PCDHGA8: variants seen among roughly 807,000 people sequenced by gnomAD.
PCDHGA8 encodes protocadherin gamma-A8.
Under a neutral mutation model 59.2 loss-of-function variants are expected in PCDHGA8, and 45 were observed. That is an observed-to-expected ratio of 0.76 (90% CI 0.60 to 0.98). The LOEUF (loss-of-function observed/expected upper bound fraction) is 0.98. Among genes scored for constraint, PCDHGA8 ranks in the 50% least tolerant of loss-of-function variants. The pLI, the probability that PCDHGA8 is intolerant of heterozygous loss-of-function variation, is 0.00. For missense variants in PCDHGA8, 1,257 were observed against 1,196.2 expected (o/e 1.05, Z -0.75); for synonymous variants, 531 against 519.0 (o/e 1.02, Z -0.32).
chr5:141,425,812 G>GA (rs574320012), intron 1 of PCDHGA8, among the ~76,000 whole-genome samples: 9 of 152,054 alleles, frequency 5.9e-5, no homozygotes, highest in South Asian at 4.1e-4. Flanking sequence ...CTTCTGCTTA[G>GA]AAAAAAACAA....
At chr5:141,500,469 AAAG>A (rs1479386829) in intron 2 of PCDHGA8, among the ~76,000 whole-genome samples, 1 of 152,052 alleles carries the variant, frequency 6.6e-6, no homozygotes, top group Non-Finnish European at 1.5e-5. Context: ...TCGGCCTCCC[AAAG>A]TGCTGGGATT....
chr5:141,423,219 T>G (rs775170753), intron 1 of PCDHGA8: 4 of 1,613,752 alleles, frequency 2.5e-6, no homozygotes, highest in Non-Finnish European at 3.4e-6. Context: ...TCACCGTGGC[T>G]GTGGCCGACA....
At position 141,455,318 on chromosome 5, in the gene PCDHGA8, G is replaced by A. The variant is rs534507768; in HGVS notation, c.2425-39489G>A. On this transcript the variant is annotated intron_variant, in intron 1 of 3. Transcript: ENST00000398604. ...TTTCATCTTGCATTAGCAATTTTGT[G>A]TGTGTGTTTGTGGTTTTAAGGAGCG... is the stretch of plus-strand genomic sequence containing the variant. Among the ~76,000 whole-genome samples the A allele has an allele frequency of 2.4e-4, 37 of 152,186 alleles. No individual in the cohort carries two copies. The South Asian group carries it at 5.6e-3, about 23-fold the overall frequency.
At chr5:141,427,280 A>G (rs1351534612) in intron 1 of PCDHGA8, 3 of 456,834 alleles carry the variant, frequency 6.6e-6, no homozygotes, top group Non-Finnish European at 8.8e-6. Context: ...GTAAAATTAT[A>G]CTAGAAATCC....
rs765819865 is a variant in PCDHGA8, at chr5:141,394,837, TG to T, written c.2027del (p.Gly676AlafsTer3). ...ADSIPEVLTE[L>X]GSLKPSVDPN... is the part of the protein sequence containing the mutation. ...AGCATCCCCGAAGTCCTGACCGAGT[TG>T]GGCAGTCTGAAGCCTTCGGTCGACC... On this transcript the variant is annotated frameshift_variant, in exon 1 of 4. Transcript: ENST00000398604. LOFTEE classifies it high-confidence loss of function. The T allele has an allele frequency of 1.9e-6, 3 of 1,613,824 alleles. No homozygotes were observed. The South Asian group carries it at 3.3e-5, about 18-fold the overall frequency.
intron 1 of PCDHGA8, chr5:141,414,147 A>G: frequency 6.3e-7 from 1 of 1,599,090 alleles, no homozygotes; most frequent in Non-Finnish European, 8.5e-7. Flanking sequence ...TAGAAATACA[A>G]GCAGAAGATG....
intron 1 of PCDHGA8, among the ~76,000 whole-genome samples, chr5:141,479,817 A>T (rs773702225): frequency 6.6e-6 from 1 of 152,230 alleles, no homozygotes; most frequent in Non-Finnish European, 1.5e-5. Flanking sequence ...CAAGGATACT[A>T]TCCAAGGCAT....
chr5:141,403,333 C>A (rs376895778), intron 1 of PCDHGA8: 1 of 1,613,984 alleles, frequency 6.2e-7, no homozygotes, highest in South Asian at 1.1e-5. Flanking sequence ...CTGATATTAA[C>A]GACAGCGCCC....
chr5:141,392,862 T>C lies in PCDHGA8; in HGVS notation c.49T>C (p.Cys17Arg), dbSNP rs1334405895. The C allele has an allele frequency of 1.2e-6, 2 of 1,612,696 alleles. No homozygotes were observed. Among genetic ancestry groups the C allele is most frequent in the Non-Finnish European group, 1.7e-6 (2 of 1,179,584 alleles). Residue 17 changes from cysteine to arginine, a missense_variant, in exon 1 of 4, where the codon TGC becomes CGC. By Grantham distance (180) the Cys-to-Arg change is radical. Transcript: ENST00000398604. ...CAGACGCGGCGAGCTGATCCTGCTGTGCGCGCTGCTGGGAACGCTGTGGGA... is the reference window on the plus strand; with the variant it reads ...CAGACGCGGCGAGCTGATCCTGCTGCGCGCGCTGCTGGGAACGCTGTGGGA... ...RPRRGELILL[C>R]ALLGTLWEIG...
intron 1 of PCDHGA8, among the ~76,000 whole-genome samples, chr5:141,452,019 C>T (rs1227308101): frequency 3.3e-5 from 5 of 152,194 alleles, no homozygotes; most frequent in African/African-American, 1.2e-4. Flanking sequence ...AGCCCACACT[C>T]TGGGGAGATG....
chr5:141,409,833 C>G (rs973436075), intron 1 of PCDHGA8: 2 of 1,611,368 alleles, frequency 1.2e-6, no homozygotes, highest in Non-Finnish European at 1.7e-6. Context: ...ACGCTCAGCG[C>G]CAACGTGAGC....
chr5:141,473,798 T>C lies in PCDHGA8; in HGVS notation c.2425-21009T>C, dbSNP rs1202883137. 2.6e-5 allele frequency among the ~76,000 whole-genome samples: 4 copies of C among 152,350 alleles called. 1 individual carries two copies. The highest frequency in any genetic ancestry group is 6.8e-3 in the Middle Eastern group (2 of 294). On this transcript the variant is annotated intron_variant, in intron 1 of 3. Transcript: ENST00000398604. ...TTTTAATTCAAGAGCAGTATGATGCTACTGAGGAGCAGCTGGACAATTGTG... is the reference window on the plus strand; with the variant it reads ...TTTTAATTCAAGAGCAGTATGATGCCACTGAGGAGCAGCTGGACAATTGTG...
In PCDHGA8 at chr5:141,394,416, A is replaced by G. The variant is rs1220964310; in HGVS notation, c.1603A>G (p.Ser535Gly). The change falls in exon 1 of 4, where the codon AGC becomes GGC. Residue 535 changes from serine (S) to glycine (G), a missense_variant. By Grantham distance (56) the Ser-to-Gly change is moderately conservative. Coordinates refer to ENST00000398604, the MANE Select transcript of PCDHGA8 (RefSeq NM_032088.2). ...IRDLQLLVTA[S>G]DSGDPPLSSN... ...AGACCTGCAGCTACTGGTAACAGCC[A>G]GCGACAGCGGGGACCCGCCCCTCAG... 1 of 1,614,202 alleles carries G rather than the reference A, an allele frequency of 6.2e-7. No individual in the cohort carries two copies.
chr5:141,447,954 C>T (rs927510517), intron 1 of PCDHGA8, among the ~76,000 whole-genome samples: 11 of 151,814 alleles, frequency 7.2e-5, no homozygotes, highest in Non-Finnish European at 1.2e-4. Flanking sequence ...GGCATGGTGG[C>T]GGACACCTAT....
rs115262984 is a variant in PCDHGA8 at position 141,463,089 on chromosome 5, C to T, written c.2425-31718C>T. ...AATGAAATTCAAACATTTTCCAGCC[C>T]TATGTGACCATCAAGAATTCAGCTA... On this transcript the variant is annotated intron_variant, in intron 1 of 3. Coordinates refer to ENST00000398604, the MANE Select transcript of PCDHGA8 (RefSeq NM_032088.2). Among the ~76,000 whole-genome samples the T allele has an allele frequency of 2.5e-3, 374 of 152,264 alleles. 2 individuals are homozygous for T. Among genetic ancestry groups the T allele is most frequent in the African/African-American group, 8.7e-3 (360 of 41,552 alleles).
chr5:141,443,288 C>T (rs2098378643), intron 1 of PCDHGA8, among the ~76,000 whole-genome samples: 1 of 150,180 alleles, frequency 6.7e-6, no homozygotes, highest in Non-Finnish European at 1.5e-5. Context: ...TGAGACCAGC[C>T]TGGACAGCAT....
rs772444495 is a variant in PCDHGA8 at position 141,491,766 on chromosome 5, T to C, written c.2425-3041T>C. 14 of 1,567,738 alleles carry C rather than the reference T, an allele frequency of 8.9e-6. No homozygotes were observed. The African/African-American group carries it at 1.6e-4, about 18-fold the overall frequency. ...GCACTGGAGAAGCCGCCCGTCCTCA[T>C]AAGGGATTGAACTTGCATCCACTCC... On this transcript the variant is annotated intron_variant, in intron 1 of 3. Coordinates refer to ENST00000398604, the MANE Select transcript of PCDHGA8 (RefSeq NM_032088.2). The surrounding 1 kb of genome is among the most constrained non-coding windows in gnomAD (Gnocchi z 6.9).
chr5:141,405,398 C>A, intron 1 of PCDHGA8: 1 of 1,590,262 alleles, frequency 6.3e-7, no homozygotes, highest in Non-Finnish European at 8.6e-7. Flanking sequence ...TTTTTTCTTT[C>A]TTTCTTTTCT....
intron 1 of PCDHGA8, among the ~76,000 whole-genome samples, chr5:141,483,255 G>T (rs1383670642): frequency 1.3e-5 from 2 of 152,030 alleles, no homozygotes; most frequent in African/African-American, 2.4e-5. Context: ...ATATCATGAG[G>T]TTTTTTTGTT....
Sources: gnomAD v4.1 joint callset for allele counts (sites outside exome capture counted in the v4.1 genomes callset) on GRCh38, gnomAD v4.1.1 for gene constraint, Gnocchi (gnomAD v3.1) non-coding constraint, MANE v1.5 for transcripts, NCBI Gene and HGNC (gene_info 2026-07-23, HGNC 2026-07-21) for gene names.